VDR: variants seen among roughly 807,000 people sequenced by gnomAD.
The protein encoded by VDR is vitamin D receptor, also known as vitamin D3 receptor.
A neutral mutation model predicts 39.7 loss-of-function variants in VDR; 19 were observed. The ratio of observed to expected loss-of-function variants is 0.48; its 90% CI spans 0.33 to 0.70. The LOEUF is 0.70. Among genes scored for constraint, VDR ranks in the 30% least tolerant of loss-of-function variants. The pLI is 0.02. For synonymous variants in VDR, 242 were observed against 215.8 expected (o/e 1.12, Z -1.07); for missense variants, 442 against 570.5 (o/e 0.77, Z 2.29).
intron 7 of VDR, among the ~76,000 whole-genome samples, chr12:47,847,035 C>T (rs1327721918): frequency 1.3e-5 from 2 of 152,088 alleles, no homozygotes; most frequent in East Asian, 3.9e-4. Flanking sequence ...AGCTCAGTTA[C>T]TAAGACAAGA....
intron 7 of VDR, among the ~76,000 whole-genome samples, chr12:47,848,530 C>T (rs917256762): frequency 1.4e-5 from 2 of 142,222 alleles, no homozygotes. Flanking sequence ...TCCAGTTCTG[C>T]TCTTTACATG....
chr12:47,864,426 AG>A, intron 4 of VDR, among the ~76,000 whole-genome samples: 1 of 152,210 alleles, frequency 6.6e-6, no homozygotes, highest in Non-Finnish European at 1.5e-5. Flanking sequence ...CTGGATTCAG[AG>A]GGTCGTCCTA....
chr12:47,862,124 C>T (rs539769557), intron 4 of VDR, among the ~76,000 whole-genome samples: 2 of 152,346 alleles, frequency 1.3e-5, no homozygotes, highest in African/African-American at 4.8e-5. Context: ...CAAGTTACCA[C>T]AATGTGTGGT....
chr12:47,890,343 G>A (rs2853566), intron 1 of VDR, among the ~76,000 whole-genome samples: 86,472 of 144,274 alleles, frequency 0.6, 27,702 homozygotes, highest in African/African-American at 0.83. Context: ...TATGTAATAT[G>A]TATTTTATAT....
At chr12:47,888,042 A>C (rs1044827117) in intron 1 of VDR, among the ~76,000 whole-genome samples, 3 of 152,240 alleles carry the variant, frequency 2.0e-5, no homozygotes, top group African/African-American at 4.8e-5. Context: ...AAAGAGGTTT[A>C]ACTGGAATTA....
intron 4 of VDR, among the ~76,000 whole-genome samples, chr12:47,858,581 T>C (rs1945545315): frequency 1.3e-5 from 2 of 152,340 alleles, no homozygotes; most frequent in South Asian, 4.1e-4. Context: ...CTCCCTGTGC[T>C]GGGGCAGCTG....
At chr12:47,865,427 G>A (rs114784653) in intron 3 of VDR, among the ~76,000 whole-genome samples, 1 of 152,002 alleles carries the variant, frequency 6.6e-6, no homozygotes, top group East Asian at 1.9e-4. Context: ...TGTTTCTTTT[G>A]GGGGGACAGG....
intron 6 of VDR, 131 bp downstream of exon 6, chr12:47,856,998 T>C: frequency 7.1e-7 from 1 of 1,416,452 alleles, no homozygotes; most frequent in Non-Finnish European, 9.8e-7. Flanking sequence ...AGACGCTGCA[T>C]AGCGCACAGT....
In VDR at chr12:47,857,249, G is replaced by A. The variant is rs201814357; in HGVS notation, c.463C>T (p.Pro155Ser). The change falls in exon 6 of 10, where the codon CCT becomes TCT. Residue 155 changes from proline to serine, a missense_variant and splice_region_variant. Coordinates refer to ENST00000549336, the MANE Select transcript of VDR (RefSeq NM_000376.3). ...CCACCATCATTCACACGAACTGGAGGCTGGAAGGGAAAGATGGGGTCTCAG... is the reference window on the plus strand; with the variant it reads ...CCACCATCATTCACACGAACTGGAGACTGGAAGGGAAAGATGGGGTCTCAG... ...PTYSDFCQFR[P>S]PVRVNDGGGS... The A allele has an allele frequency of 6.2e-7, 1 of 1,614,068 alleles. No homozygotes were observed. The highest frequency in any genetic ancestry group is 1.1e-5 in the South Asian group (1 of 91,080).
chr12:47,882,814 C>T (rs980776951), intron 1 of VDR, 40 bp from the exon 2 acceptor site: 18 of 1,473,300 alleles, frequency 1.2e-5, no homozygotes, highest in South Asian at 6.1e-5. Context: ...TAAGGCGGAG[C>T]GCTGACCGCC....
intron 6 of VDR, among the ~76,000 whole-genome samples, chr12:47,856,168 C>T (rs1182027738): frequency 6.6e-6 from 1 of 152,166 alleles, no homozygotes. Flanking sequence ...ATAATTTTCA[C>T]CTACAAACCA....
At chr12:47,864,949 G>C (rs989878112) in intron 4 of VDR, 98 bp downstream of exon 4, 13 of 1,576,612 alleles carry the variant, frequency 8.2e-6, no homozygotes, top group Non-Finnish European at 8.6e-6. Flanking sequence ...ACAGAGGAAG[G>C]GCAGGCAGAC....
intron 1 of VDR, chr12:47,896,464 G>C (rs1436161641): frequency 6.6e-6 from 1 of 152,298 alleles, no homozygotes; most frequent in Non-Finnish European, 1.5e-5. Context: ...TCGGAGTAGA[G>C]TGGGGGGAAT....
In VDR at chr12:47,855,809, A is replaced by G; in HGVS notation, c.584-8T>C. ...TGGACGAGTCCATCATGTCTGGGAG[A>G]GATGAGGGAAGAGAAGGAGCTATTT... On this transcript the variant is annotated splice_polypyrimidine_tract_variant and splice_region_variant and intron_variant, in intron 6 of 9. Coordinates refer to ENST00000549336, the MANE Select transcript of VDR (RefSeq NM_000376.3). 6.2e-7 allele frequency: 1 copy of G among 1,613,260 alleles called. No individual in the cohort carries two copies. The highest frequency in any genetic ancestry group is 8.5e-7 in the Non-Finnish European group (1 of 1,179,856).
chr12:47,846,562 C>T (rs1945284554), intron 8 of VDR, 95 bp downstream of exon 8: 2 of 1,583,740 alleles, frequency 1.3e-6, no homozygotes, highest in African/African-American at 2.7e-5. Context: ...GCCTAACTCC[C>T]TCCCATGTAT....
chr12:47,852,600 GC>G (rs1213995905), intron 7 of VDR, among the ~76,000 whole-genome samples: 1 of 152,210 alleles, frequency 6.6e-6, no homozygotes, highest in Non-Finnish European at 1.5e-5. Flanking sequence ...AGCACTGTCT[GC>G]CAGTTTTCTC....
At chr12:47,887,222 T>C (rs1335949205) in intron 1 of VDR, among the ~76,000 whole-genome samples, 1 of 147,284 alleles carries the variant, frequency 6.8e-6, no homozygotes, top group African/African-American at 2.5e-5. Flanking sequence ...CTCAGGAGGC[T>C]GAGGCGGGAG....
Position 47,857,694 on chromosome 12 carries a change from G to C in VDR, c.278-6C>G. 2 of 1,612,048 alleles carry C rather than the reference G, an allele frequency of 1.2e-6. No homozygotes were observed. Among genetic ancestry groups the C allele is most frequent in the South Asian group, 2.2e-5 (2 of 91,048 alleles). ...TTCCTCATCTGTCAGAATGACTGTG[G>C]GGTGGGAAGGGGAGTCAGGAGGGCT... On this transcript the variant is annotated splice_polypyrimidine_tract_variant and splice_region_variant and intron_variant, in intron 4 of 9. Transcript: ENST00000549336.
intron 6 of VDR, 126 bp downstream of exon 6, chr12:47,857,003 C>T: frequency 2.1e-6 from 3 of 1,456,584 alleles, no homozygotes; most frequent in East Asian, 4.7e-5. Flanking sequence ...CTGCATAGCG[C>T]ACAGTATTTA....
Sources: allele counts gnomAD v4.1 joint callset (sites outside exome capture counted in the v4.1 genomes callset), GRCh38; gene constraint gnomAD v4.1.1; transcripts MANE v1.5; gene names NCBI Gene and HGNC (gene_info 2026-07-23, HGNC 2026-07-21).